Variants in LRGUK observed in about 807,000 individuals in gnomAD.
LRGUK encodes leucine rich repeats and guanylate kinase domain containing.
A neutral mutation model predicts 76.0 loss-of-function variants in LRGUK; 65 were observed. The observed-to-expected ratio is 0.85, with a 90% CI of 0.70 to 1.05. LRGUK has a LOEUF of 1.05. Among genes scored for constraint, LRGUK ranks in the 50% least tolerant of loss-of-function variants. LRGUK has a pLI of 0.00. For missense variants in LRGUK, 758 were observed against 732.8 expected (o/e 1.03, Z -0.40); for synonymous variants, 268 against 265.6 (o/e 1.01, Z -0.09).
At chr7:134,248,571 A>G (rs1802368306) in intron 17 of LRGUK, among the ~76,000 whole-genome samples, 2 of 152,204 alleles carry the variant, frequency 1.3e-5, no homozygotes, top group African/African-American at 4.8e-5. Context: ...TTACTTGGAT[A>G]CCATTTCAAA....
chr7:134,134,181 TTTG>T (rs1797432486), intron 1 of LRGUK, among the ~76,000 whole-genome samples: 1 of 151,916 alleles, frequency 6.6e-6, no homozygotes, highest in Non-Finnish European at 1.5e-5. Flanking sequence ...AGACTGGAGA[TTTG>T]TTGTGGTCAG....
intron 6 of LRGUK, among the ~76,000 whole-genome samples, chr7:134,159,738 G>A (rs1227273988): frequency 2.6e-5 from 4 of 152,176 alleles, no homozygotes; most frequent in South Asian, 2.1e-4. Context: ...GCAGTGAGCC[G>A]AGATCGTGCC....
chr7:134,135,849 G>T (rs918254038), intron 1 of LRGUK, among the ~76,000 whole-genome samples: 3 of 152,172 alleles, frequency 2.0e-5, no homozygotes, highest in Admixed American at 6.5e-5. Context: ...GTAGAGACGG[G>T]GTTTCACCGT....
At chr7:134,265,677 C>T (rs1802842246), downstream of LRGUK, among the ~76,000 whole-genome samples, 2 of 152,188 alleles carry the variant, frequency 1.3e-5, no homozygotes, top group African/African-American at 4.8e-5. Flanking sequence ...ACAAGGTTCT[C>T]CTCCTTCTCT....
chr7:134,197,794 A>G lies in LRGUK; in HGVS notation c.1545+689A>G, dbSNP rs1156668825. ...CAAAATTAAGATCCAGAGTAAAACT[A>G]TGAATTTCCCACTCATTTATTTTTT... On this transcript the variant is annotated intron_variant, in intron 13 of 15. Transcript: ENST00000645682. Among the ~76,000 whole-genome samples the G allele has an allele frequency of 4.6e-5, 7 of 152,216 alleles. No individual in the cohort carries two copies. In the East Asian group the frequency reaches 7.7e-4, roughly 17 times the overall value.
chr7:134,145,324 C>G (rs193171004), intron 4 of LRGUK, among the ~76,000 whole-genome samples: 1 of 151,882 alleles, frequency 6.6e-6, no homozygotes, highest in Non-Finnish European at 1.5e-5. Context: ...CTCGGCTCAC[C>G]GCAACCTCTG....
chr7:134,231,084 T>A (rs377046020), intron 16 of LRGUK, among the ~76,000 whole-genome samples: 2 of 152,048 alleles, frequency 1.3e-5, no homozygotes, highest in South Asian at 4.2e-4. Context: ...TTAAGAGCAA[T>A]CTGTAAGGTG....
At chr7:134,169,186 A>ACACG (rs1554461137) in intron 7 of LRGUK, among the ~76,000 whole-genome samples, 2 of 79,548 alleles carry the variant, frequency 2.5e-5, no homozygotes, top group African/African-American at 9.2e-5. Flanking sequence ...ACACACACAC[A>ACACG]CACACACACT....
chr7:134,195,857 T>A (rs1313368717), intron 12 of LRGUK, among the ~76,000 whole-genome samples: 4 of 152,172 alleles, frequency 2.6e-5, no homozygotes, highest in Admixed American at 2.0e-4. Flanking sequence ...TAACATAAAC[T>A]TCTTTTGATT....
At chr7:134,261,178 G>C (rs546599469) in intron 19 of LRGUK, among the ~76,000 whole-genome samples, 23 of 152,258 alleles carry the variant, frequency 1.5e-4, no homozygotes, top group African/African-American at 5.1e-4. Flanking sequence ...CTGATATACT[G>C]TAGTGGTTTT....
intron 1 of LRGUK, among the ~76,000 whole-genome samples, chr7:134,133,613 A>G (rs1288000535): frequency 6.6e-6 from 1 of 152,162 alleles, no homozygotes; most frequent in Non-Finnish European, 1.5e-5. Flanking sequence ...TAGGTATTCT[A>G]TAGAGATTTT....
the LRGUK span, among the ~76,000 whole-genome samples, chr7:134,272,706 A>T: frequency 0.096 from 14,657 of 152,172 alleles, 1,825 homozygotes; most frequent in African/African-American, 0.28. Flanking sequence ...AAGAAATGAA[A>T]ATTACTTTGT....
intron 16 of LRGUK, among the ~76,000 whole-genome samples, chr7:134,237,629 C>A (rs1401221946): frequency 6.6e-6 from 1 of 152,134 alleles, no homozygotes; most frequent in Non-Finnish European, 1.5e-5. Flanking sequence ...ATTTCTTGTG[C>A]TTTCCCTGTC....
At chr7:134,182,916 C>T (rs1799816067) in intron 10 of LRGUK, among the ~76,000 whole-genome samples, 1 of 152,182 alleles carries the variant, frequency 6.6e-6, no homozygotes, top group Non-Finnish European at 1.5e-5. Flanking sequence ...TGTGCACCAC[C>T]ATGCCCGCTA....
intron 7 of LRGUK, among the ~76,000 whole-genome samples, chr7:134,166,144 A>G (rs898652650): frequency 4.0e-5 from 6 of 151,632 alleles, no homozygotes; most frequent in Admixed American, 2.0e-4. Flanking sequence ...AAAATTTATC[A>G]TTTAGCAGAA....
At chr7:134,217,564 A>C (rs959568506) in intron 15 of LRGUK, among the ~76,000 whole-genome samples, 2 of 152,156 alleles carry the variant, frequency 1.3e-5, no homozygotes, top group African/African-American at 4.8e-5. Flanking sequence ...CATGGATACT[A>C]TGCAAAATTA....
intron 15 of LRGUK, among the ~76,000 whole-genome samples, chr7:134,202,316 AT>A (rs892649874): frequency 1.7e-5 from 2 of 115,546 alleles, no homozygotes; most frequent in Admixed American, 1.1e-4. Flanking sequence ...TAAAAACAAA[AT>A]TAAAAAAAAA....
chr7:134,145,697 C>A (rs1307892626), intron 4 of LRGUK, among the ~76,000 whole-genome samples: 1 of 152,148 alleles, frequency 6.6e-6, no homozygotes, highest in African/African-American at 2.4e-5. Context: ...TGTCTGAGAC[C>A]CCATGGCCCA....
intron 12 of LRGUK, among the ~76,000 whole-genome samples, chr7:134,196,128 T>G (rs912635013): frequency 1.3e-5 from 2 of 152,228 alleles, no homozygotes; most frequent in Non-Finnish European, 2.9e-5. Flanking sequence ...CTTCATTGTT[T>G]ATTTCAAAAT....
Sources: allele counts gnomAD v4.1 joint callset (sites outside exome capture counted in the v4.1 genomes callset), GRCh38; gene constraint gnomAD v4.1.1; transcripts MANE v1.5; gene names NCBI Gene and HGNC (gene_info 2026-07-23, HGNC 2026-07-21).